ARHGEF12: variants seen among roughly 807,000 people sequenced by gnomAD.
ARHGEF12 encodes the protein KMT2A/ARHGEF12 fusion protein.
ARHGEF12 carries 66 observed loss-of-function variants against 211.2 expected under a neutral mutation model. The observed-to-expected ratio is 0.31, with a 90% confidence interval of 0.26 to 0.38. ARHGEF12 has a LOEUF of 0.38. ARHGEF12 is among the 10% of genes least tolerant of loss of function. The probability of loss-of-function intolerance (pLI) is 1.00; values close to 1 mark genes in which losing one functional copy is unlikely to be tolerated. For missense variants in ARHGEF12, 1,429 were observed against 1,869.5 expected (o/e 0.76, Z 4.34); for synonymous variants, 592 against 638.4 (o/e 0.93, Z 1.09).
Position 120,489,922 on chromosome 11 carries a change from C to G in ARHGEF12, c.*4845C>G, listed in dbSNP as rs1947488349. The G allele has an allele frequency of 5.6e-6, 1 of 180,132 alleles. No homozygotes were observed. Among genetic ancestry groups the G allele is most frequent in the African/African-American group, 2.4e-5 (1 of 42,352 alleles). 11.2% of individuals were successfully genotyped at this position (180,132 alleles called of 1,614,324 possible). A position where few individuals can be genotyped will look rare whatever the true frequency, so the allele number is the denominator to read the frequency against. ...TCCTAGGAATGGAGACAATAAAACT[C>G]TGTATTTGCATGTGAGCAGTTACTT... On this transcript the variant is annotated 3_prime_UTR_variant, in exon 41 of 41. Transcript: ENST00000397843.
At chr11:120,465,484 T>G in intron 28 of ARHGEF12, 122 bp downstream of exon 28, 1 of 1,248,238 alleles carries the variant, frequency 8.0e-7, no homozygotes, top group Non-Finnish European at 1.1e-6. Flanking sequence ...TTTTTTTTTT[T>G]GAGACAGGGT....
In ARHGEF12 at chr11:120,469,314, A is replaced by C; in HGVS notation, c.2881A>C (p.Lys961Gln). ...TEWPTEREKV[K>Q]KAADHCRQIL... ...ATGGCCAACAGAAAGGGAGAAGGTG[A>C]AGAAAGCTGCAGATCACTGTCGTCA... Residue 961 changes from lysine (K) to glutamine (Q), a missense_variant, in exon 30 of 41, where the codon AAG (lysine) becomes CAG (glutamine). Around this residue, in one of 7 missense-constraint regions of ARHGEF12, gnomAD observed 223 missense variants for 444.6 expected, o/e 0.50. Transcript: ENST00000397843. 6.2e-7 allele frequency: 1 copy of C among 1,613,486 alleles called. No homozygotes were observed.
chr11:120,472,347 T>A (rs1946893565), intron 30 of ARHGEF12, among the ~76,000 whole-genome samples: 1 of 152,142 alleles, frequency 6.6e-6, no homozygotes, highest in Non-Finnish European at 1.5e-5. Flanking sequence ...TCTCAAAGGC[T>A]ACCCAAGAAA....
chr11:120,477,354 G>A, intron 35 of ARHGEF12, 49 bp downstream of exon 35: 1 of 1,606,756 alleles, frequency 6.2e-7, no homozygotes, highest in Non-Finnish European at 8.5e-7. Flanking sequence ...GTTTTGGGTT[G>A]GAAAAGACTA....
At chr11:120,437,456 CT>C (rs1262256613) in intron 12 of ARHGEF12, 74 bp downstream of exon 12, 2 of 976,434 alleles carry the variant, frequency 2.0e-6, no homozygotes, top group Non-Finnish European at 2.9e-6. Flanking sequence ...ATAGACACAT[CT>C]GATGTTTACA....
chr11:120,340,975 A>C (rs1460716709), intron 1 of ARHGEF12, among the ~76,000 whole-genome samples: 1 of 152,238 alleles, frequency 6.6e-6, no homozygotes, highest in Non-Finnish European at 1.5e-5. Flanking sequence ...CTTTATTTGA[A>C]ATCATTACAA....
chr11:120,347,646 AG>A (rs1241927547), intron 1 of ARHGEF12, among the ~76,000 whole-genome samples: 1 of 152,206 alleles, frequency 6.6e-6, no homozygotes, highest in African/African-American at 2.4e-5. Context: ...TCAGCTGCTC[AG>A]GTTAGTTTGT....
At chr11:120,407,858 G>C (rs752537845) in intron 3 of ARHGEF12, 35 bp downstream of exon 3, 1 of 1,569,100 alleles carries the variant, frequency 6.4e-7, no homozygotes, top group South Asian at 1.1e-5. Context: ...AGAGTATTGA[G>C]AGTAGTGAAG....
rs145217690 is a variant in ARHGEF12, at chr11:120,434,112, A to G, written c.924+2201A>G. 5.9e-3 allele frequency among the ~76,000 whole-genome samples: 897 copies of G among 152,366 alleles called. 27 individuals are homozygous for G. Among genetic ancestry groups the G allele is most frequent in the Admixed American group, 0.053 (804 of 15,304 alleles). ...ATCTTGCATGCAGAAGAGAGACACC[A>G]TCAGAAACATATCTGTGGAAAATGA... On this transcript the variant is annotated intron_variant, in intron 11 of 40. Coordinates refer to ENST00000397843, the MANE Select transcript of ARHGEF12 (RefSeq NM_015313.3).
intron 27 of ARHGEF12, chr11:120,463,743 G>A (rs919652997): frequency 3.4e-4 from 51 of 151,986 alleles, no homozygotes; most frequent in African/African-American, 1.2e-3. Context: ...TTAAAATATT[G>A]CTTTGTATGT....
intron 20 of ARHGEF12, 180 bp downstream of exon 20, chr11:120,448,528 A>G (rs1003416528): frequency 5.2e-5 from 31 of 590,836 alleles, no homozygotes; most frequent in African/African-American, 7.5e-5. Context: ...ATCCAGACAT[A>G]TAAACTATTA....
chr11:120,351,408 AATATATATATATATATAT>A (rs775962877), intron 1 of ARHGEF12, among the ~76,000 whole-genome samples: 63 of 70,452 alleles, frequency 8.9e-4, no homozygotes, highest in East Asian at 2.4e-3. Context: ...GTAGGAAAGG[AATATATATATATATATAT>A]ATATATATAT....
intron 4 of ARHGEF12, among the ~76,000 whole-genome samples, chr11:120,419,057 T>C (rs932430118): frequency 6.6e-6 from 1 of 152,030 alleles, no homozygotes; most frequent in Non-Finnish European, 1.5e-5. Context: ...CCTCCCAGGT[T>C]CACGCCATTC....
intron 19 of ARHGEF12, 34 bp from the exon 20 acceptor site, chr11:120,448,200 G>A (rs925960044): frequency 8.1e-6 from 12 of 1,483,764 alleles, no homozygotes; most frequent in Non-Finnish European, 1.1e-5. Flanking sequence ...TCCCTTCTCA[G>A]AAGTCTTAAT....
intron 6 of ARHGEF12, among the ~76,000 whole-genome samples, chr11:120,422,788 T>C (rs972872169): frequency 2.6e-5 from 4 of 152,180 alleles, no homozygotes; most frequent in Non-Finnish European, 4.4e-5. Context: ...GTTATATGTA[T>C]GTGTATGTAT....
Position 120,467,274 on chromosome 11 carries a change from C to T in ARHGEF12, c.2820C>T (p.Tyr940=). The stretch of plus-strand genomic sequence containing the variant: ...CTCAAATGCAAAGGCTTACTAAGTA[C>T]CCACTTCTGTTGGATAATATTGCCA... The part of the protein sequence containing the change: ...IPTQMQRLTK[Y]PLLLDNIAKY... Residue 940 remains tyrosine (Y), a synonymous_variant, in exon 29 of 41, where the codon TAC becomes TAT. Transcript: ENST00000397843. 6.2e-7 allele frequency: 1 copy of T among 1,612,900 alleles called. No individual in the cohort carries two copies. Among genetic ancestry groups the T allele is most frequent in the Non-Finnish European group, 8.5e-7 (1 of 1,179,248 alleles).
At chr11:120,388,122 C>T (rs970644009) in intron 1 of ARHGEF12, among the ~76,000 whole-genome samples, 1 of 152,164 alleles carries the variant, frequency 6.6e-6, no homozygotes, top group African/African-American at 2.4e-5. Flanking sequence ...CAGGTGTACC[C>T]ATTGACTTGT....
intron 13 of ARHGEF12, among the ~76,000 whole-genome samples, 188 bp from the exon 14 acceptor site, chr11:120,441,519 G>T (rs1945867395): frequency 6.6e-6 from 1 of 152,110 alleles, no homozygotes; most frequent in Non-Finnish European, 1.5e-5. Flanking sequence ...TCCCCAAGAG[G>T]TGGTTAATGT....
At chr11:120,380,993 T>A (rs563124827) in intron 1 of ARHGEF12, among the ~76,000 whole-genome samples, 44 of 152,364 alleles carry the variant, frequency 2.9e-4, no homozygotes, top group African/African-American at 1.0e-3. Context: ...GAACATCTCC[T>A]GACGTGGTAC....
Sources: gnomAD v4.1 joint callset for allele counts (sites outside exome capture counted in the v4.1 genomes callset) on GRCh38, gnomAD v4.1.1 for gene constraint, gnomAD v4.1.1 regional missense constraint, MANE v1.5 for transcripts, NCBI Gene and HGNC (gene_info 2026-07-23, HGNC 2026-07-21) for gene names.